Variants in ABAT observed in about 807,000 individuals in gnomAD.
ABAT encodes 4-aminobutyrate aminotransferase.
ABAT carries 45 observed loss-of-function variants against 64.6 expected under a neutral mutation model. The ratio of observed to expected loss-of-function variants is 0.70; its 90% CI spans 0.55 to 0.89. ABAT has a LOEUF of 0.89. Among genes scored for constraint, ABAT ranks in the 40% least tolerant of loss-of-function variants. ABAT has a pLI of 0.00. For missense variants in ABAT, 633 were observed against 658.4 expected (o/e 0.96, Z 0.42); for synonymous variants, 297 against 250.5 (o/e 1.19, Z -1.75).
At chr16:8,686,995 T>C (rs568953585) in intron 1 of ABAT, among the ~76,000 whole-genome samples, 1 of 152,090 alleles carries the variant, frequency 6.6e-6, no homozygotes, top group Non-Finnish European at 1.5e-5. Context: ...CAGAGTGGCC[T>C]TGGATGGGTG....
At chr16:8,685,856 A>G (rs191216728) in intron 1 of ABAT, among the ~76,000 whole-genome samples, 16 of 152,346 alleles carry the variant, frequency 1.1e-4, no homozygotes, top group Admixed American at 9.8e-4. Context: ...TCAGAGACCC[A>G]TAGGGAACCA....
rs1276092221 is a variant in ABAT at position 8,784,285 on chromosome 16, T to G, written c.*2855T>G. On this transcript the variant is annotated 3_prime_UTR_variant, in exon 16 of 16. Coordinates refer to ENST00000268251, the MANE Select transcript of ABAT (RefSeq NM_020686.6). ...TTATAAATGGGTGTTTTTTCATAAT[T>G]TTTACTGACGCTCAGTAACCATGCA... 2.0e-5 allele frequency: 3 copies of G among 152,660 alleles called. No individual in the cohort carries two copies. The highest frequency in any genetic ancestry group is 4.4e-5 in the Non-Finnish European group (3 of 68,036). 9.5% of individuals were successfully genotyped at this position (152,660 alleles called of 1,614,324 possible).
At chr16:8,726,974 C>A (rs529163075) in intron 1 of ABAT, among the ~76,000 whole-genome samples, 1 of 152,274 alleles carries the variant, frequency 6.6e-6, no homozygotes, top group South Asian at 2.1e-4. Flanking sequence ...TGCTTGCTTG[C>A]CATTTGTATG....
chr16:8,719,816 G>A (rs955571222), intron 1 of ABAT, among the ~76,000 whole-genome samples: 5 of 152,116 alleles, frequency 3.3e-5, no homozygotes, highest in African/African-American at 9.7e-5. Context: ...TTGTTTACTC[G>A]TTTACTTATT....
At chr16:8,691,033 G>A (rs564931607) in intron 1 of ABAT, among the ~76,000 whole-genome samples, 26 of 148,852 alleles carry the variant, frequency 1.7e-4, no homozygotes, top group Non-Finnish European at 3.9e-4. Flanking sequence ...AATAAGTATT[G>A]GCAGTGTGTT....
rs561363172 is a variant in ABAT, at chr16:8,764,020, G to A, written c.367-49G>A. On this transcript the variant is annotated intron_variant, in intron 6 of 15. Transcript: ENST00000268251. This position sits in a 1 kb window ranked among gnomAD's most constrained non-coding sequence, Gnocchi z 4.2. ...GAAAAGCACCATTTGTGGGCAGGGA[G>A]CTGGGTCAGGCCCCCAGAAGTCACC... is the stretch of plus-strand genomic sequence containing the variant. 10 of 1,485,342 alleles carry A rather than the reference G, an allele frequency of 6.7e-6. No homozygotes were observed. Among genetic ancestry groups the A allele is most frequent in the South Asian group, 5.7e-5 (5 of 88,484 alleles). The allele number at this position is 1,485,342 out of a possible 1,614,324, so 92.0% of individuals were successfully genotyped here.
intron 1 of ABAT, among the ~76,000 whole-genome samples, chr16:8,695,134 G>A (rs1268283664): frequency 1.3e-5 from 2 of 152,148 alleles, no homozygotes; most frequent in African/African-American, 4.8e-5. Flanking sequence ...TCTGGGTCTC[G>A]AGTCTGGAGA....
intron 1 of ABAT, among the ~76,000 whole-genome samples, chr16:8,712,040 G>T (rs2058090599): frequency 6.6e-6 from 1 of 151,792 alleles, no homozygotes; most frequent in Non-Finnish European, 1.5e-5. Context: ...GGATCAGCCT[G>T]GCCAACATGG....
At position 8,741,901 on chromosome 16, in the gene ABAT, A is replaced by G. The variant is rs1308621474; in HGVS notation, c.71-4100A>G. Among the ~76,000 whole-genome samples, 5 of 152,204 alleles carry G rather than the reference A, an allele frequency of 3.3e-5. No individual in the cohort carries two copies. In the South Asian group the frequency reaches 1.0e-3, roughly 32 times the overall value. On this transcript the variant is annotated intron_variant, in intron 2 of 15. Coordinates refer to ENST00000268251, the MANE Select transcript of ABAT (RefSeq NM_020686.6). ...AACTGTGAACAACAATACTATCTATATGGTTGTATTTAATTGTGGATTACT... is the reference window on the plus strand; with the variant it reads ...AACTGTGAACAACAATACTATCTATGTGGTTGTATTTAATTGTGGATTACT...
chr16:8,713,995 G>A (rs1025243686), intron 1 of ABAT: 1 of 439,212 alleles, frequency 2.3e-6, no homozygotes, highest in African/African-American at 2.0e-5. Context: ...AGGTCGGGGG[G>A]GCACACACCC....
intron 1 of ABAT, among the ~76,000 whole-genome samples, chr16:8,717,366 C>T (rs77678477): frequency 1.5e-3 from 224 of 152,230 alleles, no homozygotes; most frequent in African/African-American, 5.1e-3. Context: ...AAATAAGATA[C>T]ATGAAAAAAA....
chr16:8,756,439 G>C (rs116883801), intron 5 of ABAT, among the ~76,000 whole-genome samples: 1 of 151,906 alleles, frequency 6.6e-6, no homozygotes, highest in East Asian at 1.9e-4. Context: ...AGGGATACAT[G>C]TGTAGAACCT....
intron 1 of ABAT, among the ~76,000 whole-genome samples, chr16:8,676,864 G>A (rs1013048272): frequency 3.3e-5 from 5 of 152,130 alleles, no homozygotes; most frequent in South Asian, 2.1e-4. Context: ...AGAGGCCTGC[G>A]TCTTTTCTCC....
chr16:8,680,054 C>T (rs953091583), intron 1 of ABAT, among the ~76,000 whole-genome samples: 4 of 152,146 alleles, frequency 2.6e-5, no homozygotes, highest in Admixed American at 6.5e-5. Context: ...AGCTATCTCA[C>T]ATTGCGTCTT....
chr16:8,689,592 A>G (rs1160830707), intron 1 of ABAT, among the ~76,000 whole-genome samples: 1 of 152,236 alleles, frequency 6.6e-6, no homozygotes, highest in African/African-American at 2.4e-5. Context: ...AATTCCACAA[A>G]TAGAGGTAAC....
chr16:8,727,781 T>A (rs971421765), intron 1 of ABAT, among the ~76,000 whole-genome samples: 10 of 152,214 alleles, frequency 6.6e-5, no homozygotes, highest in Admixed American at 1.3e-4. Context: ...AGAGAAGTGA[T>A]GACTTGGCCA....
intron 2 of ABAT, among the ~76,000 whole-genome samples, chr16:8,737,805 G>A (rs1227120209): frequency 2.7e-5 from 4 of 149,868 alleles, no homozygotes; most frequent in Non-Finnish European, 5.9e-5. Context: ...GCAGGCACCT[G>A]TAATCCCAGC....
At chr16:8,706,270 C>T (rs2057940288) in intron 1 of ABAT, among the ~76,000 whole-genome samples, 1 of 150,824 alleles carries the variant, frequency 6.6e-6, no homozygotes, top group African/African-American at 2.4e-5. Flanking sequence ...ATTAGCCAGG[C>T]ATGGTGGCAC....
chr16:8,778,826 C>T (rs1365386941), intron 14 of ABAT, among the ~76,000 whole-genome samples: 7 of 151,962 alleles, frequency 4.6e-5, no homozygotes, highest in African/African-American at 1.4e-4. Context: ...AGGGGCCATT[C>T]TAATGCAGGA....
Sources: allele counts gnomAD v4.1 joint callset (sites outside exome capture counted in the v4.1 genomes callset), GRCh38; gene constraint gnomAD v4.1.1; non-coding constraint Gnocchi (gnomAD v3.1); transcripts MANE v1.5; gene names NCBI Gene and HGNC (gene_info 2026-07-23, HGNC 2026-07-21).